GAS7: variants seen among roughly 807,000 people sequenced by gnomAD.
GAS7 encodes the protein growth arrest-specific protein 7.
In GAS7, 28 loss-of-function variants were observed where a neutral mutation model predicts 71.1. The observed-to-expected ratio is 0.39, with a 90% CI of 0.29 to 0.54. GAS7 has a LOEUF of 0.54. Among genes scored for constraint, GAS7 ranks in the 20% least tolerant of loss-of-function variants. The probability of loss-of-function intolerance (pLI) is 0.62; values close to 1 mark genes in which losing one functional copy is unlikely to be tolerated. For missense variants in GAS7, 436 were observed against 627.8 expected, an observed-to-expected ratio of 0.69 and a Z score of 3.27; for synonymous variants, 258 against 245.8, an observed-to-expected ratio of 1.05 and a Z score of -0.46.
At chr17:10,054,794 C>T (rs2073113714) in intron 1 of GAS7, among the ~76,000 whole-genome samples, 1 of 152,188 alleles carries the variant, frequency 6.6e-6, no homozygotes, top group South Asian at 2.1e-4. Context: ...CTGTGAACCC[C>T]TTCCAAGGGC....
At chr17:9,987,124 C>A (rs550911592) in intron 2 of GAS7, among the ~76,000 whole-genome samples, 3 of 152,346 alleles carry the variant, frequency 2.0e-5, no homozygotes, top group East Asian at 1.9e-4. Flanking sequence ...TGGATTGAGA[C>A]CCTTCTGCAT....
chr17:10,163,015 T>C (rs994900435), intron 1 of GAS7, among the ~76,000 whole-genome samples: 3 of 152,170 alleles, frequency 2.0e-5, no homozygotes, highest in Admixed American at 1.3e-4. Context: ...TGATTTATCA[T>C]AGTTTAAAAA....
At chr17:10,094,689 C>T (rs981523474) in intron 1 of GAS7, among the ~76,000 whole-genome samples, 2 of 152,056 alleles carry the variant, frequency 1.3e-5, no homozygotes, top group South Asian at 2.1e-4. Flanking sequence ...AGGATAGTCT[C>T]GATCTCCTGA....
At chr17:9,929,040 C>T (rs543575162) in intron 9 of GAS7, among the ~76,000 whole-genome samples, 98 of 152,268 alleles carry the variant, frequency 6.4e-4, no homozygotes, top group African/African-American at 2.3e-3. Context: ...AAAACATCCC[C>T]ACCTGGCGGC....
In GAS7 at chr17:9,934,838, C is replaced by T. The variant is rs1021958141; in HGVS notation, c.807-594G>A. ...GCAACCTCTGCCTCCTGGGTTCAAG[C>T]GATTCTCCTGTCTCAGCCTCCCGAG... is the stretch of plus-strand genomic sequence containing the variant. On this transcript the variant is annotated intron_variant, in intron 8 of 13. Coordinates refer to ENST00000432992, the MANE Select transcript of GAS7 (RefSeq NM_201433.2). 2.0e-5 allele frequency among the ~76,000 whole-genome samples: 3 copies of T among 152,302 alleles called. No homozygotes were observed. The East Asian group carries it at 5.8e-4, about 29-fold the overall frequency.
chr17:9,997,671 C>T (rs2071101257), intron 2 of GAS7, among the ~76,000 whole-genome samples: 1 of 152,204 alleles, frequency 6.6e-6, no homozygotes, highest in Non-Finnish European at 1.5e-5. Flanking sequence ...AGACTACTCC[C>T]CACTTCAGAC....
At chr17:10,016,751 A>AAATAAT (rs4057773) in intron 2 of GAS7, among the ~76,000 whole-genome samples, 1,580 of 139,882 alleles carry the variant, frequency 0.011, 15 homozygotes, top group East Asian at 0.035. Context: ...TCTCTACAAA[A>AAATAAT]AATAATAATA....
chr17:10,125,134 G>T (rs1426540181), intron 1 of GAS7, among the ~76,000 whole-genome samples: 1 of 150,918 alleles, frequency 6.6e-6, no homozygotes, highest in Non-Finnish European at 1.5e-5. Context: ...CAAATTAATA[G>T]TTTATCCAAA....
intron 6 of GAS7, among the ~76,000 whole-genome samples, chr17:9,943,722 C>T (rs1294146594): frequency 6.6e-6 from 1 of 152,206 alleles, no homozygotes; most frequent in Non-Finnish European, 1.5e-5. Context: ...ACCACACATT[C>T]ATACAAGATC....
chr17:9,945,698 C>T (rs779758235), intron 6 of GAS7, among the ~76,000 whole-genome samples: 1 of 151,600 alleles, frequency 6.6e-6, no homozygotes, highest in African/African-American at 2.4e-5. Context: ...CGGCTGGGCA[C>T]GATGGCTCAT....
At position 10,181,886 on chromosome 17, in the gene GAS7, C is replaced by T. The variant is rs148701217; in HGVS notation, c.183+16322G>A. On this transcript the variant is annotated intron_variant, in intron 1 of 13. Transcript: ENST00000432992. ...GCCAGAGGCTACCGCTGGTCATCCT[C>T]ACTGCTCATTATAGGGTAATTATAA... Among the ~76,000 whole-genome samples the T allele has an allele frequency of 4.5e-3, 678 of 152,278 alleles. 9 individuals are homozygous for T. Among genetic ancestry groups the T allele is most frequent in the African/African-American group, 0.016 (648 of 41,540 alleles).
chr17:10,133,134 TC>T (rs1348317587), intron 1 of GAS7, among the ~76,000 whole-genome samples: 3,308 of 92,406 alleles, frequency 0.036, 101 homozygotes, highest in African/African-American at 0.078. Flanking sequence ...TTTTTTTTTT[TC>T]TTTTTTGAGA....
chr17:10,027,749 T>C (rs1228240611), intron 1 of GAS7, among the ~76,000 whole-genome samples: 1 of 152,214 alleles, frequency 6.6e-6, no homozygotes, highest in Non-Finnish European at 1.5e-5. Context: ...GTCCTGTTCT[T>C]GAGCTAGGCA....
At chr17:9,965,997 C>CTTTT (rs1156705866) in intron 4 of GAS7, among the ~76,000 whole-genome samples, 59 of 122,938 alleles carry the variant, frequency 4.8e-4, no homozygotes, top group East Asian at 1.8e-3. Flanking sequence ...CCCCAAAATT[C>CTTTT]TTTTTTTTTT....
intron 1 of GAS7, among the ~76,000 whole-genome samples, chr17:10,140,375 T>A (rs1277239580): frequency 6.6e-6 from 1 of 152,054 alleles, no homozygotes; most frequent in East Asian, 1.9e-4. Context: ...GGTGGGAACA[T>A]CATTTGAGTC....
intron 1 of GAS7, among the ~76,000 whole-genome samples, chr17:10,044,995 C>T (rs1449088539): frequency 2.1e-5 from 3 of 144,042 alleles, no homozygotes; most frequent in African/African-American, 5.3e-5. Flanking sequence ...GAGCAGAGAT[C>T]GTGCCACTGC....
At chr17:9,952,287 G>A (rs1237887319) in intron 5 of GAS7, among the ~76,000 whole-genome samples, 1 of 152,216 alleles carries the variant, frequency 6.6e-6, no homozygotes, top group African/African-American at 2.4e-5. Flanking sequence ...AGCCCCTGGG[G>A]GAGACCTTGT....
chr17:10,014,863 CAGATT>C (rs2071927767), intron 2 of GAS7, among the ~76,000 whole-genome samples: 1 of 151,986 alleles, frequency 6.6e-6, no homozygotes, highest in Non-Finnish European at 1.5e-5. Flanking sequence ...TGAAAATAAG[CAGATT>C]AGCCAGCCAG....
At chr17:10,082,466 C>A (rs189634111) in intron 1 of GAS7, among the ~76,000 whole-genome samples, 4 of 152,324 alleles carry the variant, frequency 2.6e-5, no homozygotes, top group African/African-American at 9.6e-5. Flanking sequence ...GAAACTACAT[C>A]ATACTCCCTA....
Sources: gnomAD v4.1 joint callset for allele counts (sites outside exome capture counted in the v4.1 genomes callset) on GRCh38, gnomAD v4.1.1 for gene constraint, MANE v1.5 for transcripts, NCBI Gene and HGNC (gene_info 2026-07-23, HGNC 2026-07-21) for gene names.